The following NMBR variants were observed in gnomAD, a reference collection of about 807,000 sequenced individuals.
The protein encoded by NMBR is neuromedin-B receptor.
Under a neutral mutation model 20.5 loss-of-function variants are expected in NMBR, and 16 were observed. The observed-to-expected ratio is 0.78, with a 90% CI of 0.53 to 1.19. The LOEUF is 1.19. Ranked by LOEUF, NMBR falls within the 50% of genes most tolerant of loss-of-function variation. NMBR has a pLI of 0.00. For synonymous variants in NMBR, 212 were observed against 196.6 expected, an observed-to-expected ratio of 1.08 and a Z score of -0.65; for missense variants, 582 against 499.1, an observed-to-expected ratio of 1.17 and a Z score of -1.58.
intron 1 of NMBR, among the ~76,000 whole-genome samples, chr6:142,129,079 C>T (rs912190669): frequency 6.6e-6 from 1 of 150,958 alleles, no homozygotes; most frequent in Admixed American, 6.6e-5. Context: ...TATTTTGATC[C>T]TATTTTGGGT....
At chr6:142,083,442 G>A (rs1018204585) in intron 2 of NMBR, among the ~76,000 whole-genome samples, 1 of 152,058 alleles carries the variant, frequency 6.6e-6, no homozygotes, top group African/African-American at 2.4e-5. Context: ...TTTTAGTCCT[G>A]TGGTGTGTTG....
intron 1 of NMBR, among the ~76,000 whole-genome samples, chr6:142,096,548 A>G: frequency 6.6e-6 from 1 of 151,858 alleles, no homozygotes; most frequent in African/African-American, 2.4e-5. Context: ...AGTTTGTTAT[A>G]ATTTCTGTTC....
chr6:142,121,892 T>G (rs1308774978), intron 1 of NMBR, among the ~76,000 whole-genome samples: 1 of 151,818 alleles, frequency 6.6e-6, no homozygotes. Context: ...AGAGATTACC[T>G]CAAGGTGGTA....
intron 1 of NMBR, among the ~76,000 whole-genome samples, chr6:142,112,773 T>G (rs1201800262): frequency 2.0e-5 from 3 of 152,206 alleles, no homozygotes; most frequent in Non-Finnish European, 4.4e-5. Context: ...CTTTTTATTT[T>G]CATCAATGCT....
chr6:142,139,279 T>C, intron 1 of NMBR, among the ~76,000 whole-genome samples: 1 of 152,214 alleles, frequency 6.6e-6, no homozygotes, highest in East Asian at 1.9e-4. Flanking sequence ...CTTGGATTTA[T>C]TCTTACTCTG....
At chr6:142,092,589 G>C (rs1777348820) in intron 1 of NMBR, among the ~76,000 whole-genome samples, 1 of 152,138 alleles carries the variant, frequency 6.6e-6, no homozygotes, top group African/African-American at 2.4e-5. Context: ...GTAGTTTTTA[G>C]ACACTGGCAG....
chr6:142,076,372 C>A (rs1776949168), intron 3 of NMBR, among the ~76,000 whole-genome samples: 1 of 151,972 alleles, frequency 6.6e-6, no homozygotes. Flanking sequence ...TAAGTCATTT[C>A]TGTTTGTATT....
chr6:142,084,505 T>C (rs1275353406), intron 2 of NMBR, among the ~76,000 whole-genome samples: 1 of 152,142 alleles, frequency 6.6e-6, no homozygotes, highest in South Asian at 2.1e-4. Flanking sequence ...GTTTTTATAG[T>C]TTTATTTTTT....
At chr6:142,095,581 T>C (rs1777433837) in intron 1 of NMBR, among the ~76,000 whole-genome samples, 1 of 151,974 alleles carries the variant, frequency 6.6e-6, no homozygotes, top group African/African-American at 2.4e-5. Context: ...ATTTTTGCAT[T>C]GATGTTCCTC....
At chr6:142,098,294 C>A (rs1777498130) in intron 1 of NMBR, among the ~76,000 whole-genome samples, 1 of 152,070 alleles carries the variant, frequency 6.6e-6, no homozygotes, top group East Asian at 1.9e-4. Flanking sequence ...TGTACTCTCA[C>A]CATTCCTTTT....
intron 1 of NMBR, among the ~76,000 whole-genome samples, chr6:142,107,549 G>A (rs969814875): frequency 1.5e-4 from 23 of 152,196 alleles, no homozygotes; most frequent in African/African-American, 5.3e-4. Context: ...GTTGAACATT[G>A]TGGGAAAAAA....
At chr6:142,086,081 G>T (rs1777193516) in intron 2 of NMBR, among the ~76,000 whole-genome samples, 1 of 148,274 alleles carries the variant, frequency 6.7e-6, no homozygotes. Context: ...AAGTCTGCTG[G>T]TAAATAAAAA....
rs559108211 is a variant in NMBR at position 142,078,672 on chromosome 6, C to A, written c.654G>T (p.Leu218Phe). 8 of 1,612,782 alleles carry A rather than the reference C, an allele frequency of 5.0e-6. No individual in the cohort carries two copies. The Admixed American group carries it at 1.0e-4, about 20-fold the overall frequency. The change falls in exon 3 of 4, where the codon TTG becomes TTT. Residue 218 changes from leucine (L) to phenylalanine (F), a missense_variant. Coordinates refer to ENST00000258042, the MANE Select transcript of NMBR (RefSeq NM_002511.4). ...TAGCAAGTGGTATGAGGAAATAGAC[C>A]AAGAAAATGAGCACTGAATGAATCT... ...HPKIHSVLIF[L>F]VYFLIPLAII...
At chr6:142,122,523 G>A (rs929811509) in intron 1 of NMBR, among the ~76,000 whole-genome samples, 1 of 151,966 alleles carries the variant, frequency 6.6e-6, no homozygotes, top group African/African-American at 2.4e-5. Flanking sequence ...GATTTTCTAT[G>A]TATATCAAAC....
At chr6:142,085,875 T>C (rs1309526695) in intron 2 of NMBR, among the ~76,000 whole-genome samples, 1 of 152,210 alleles carries the variant, frequency 6.6e-6, no homozygotes, top group African/African-American at 2.4e-5. Context: ...TTAAAGACTC[T>C]AATAACATAA....
At chr6:142,134,607 C>A in intron 1 of NMBR, 1 of 668,290 alleles carries the variant, frequency 1.5e-6, no homozygotes, top group Non-Finnish European at 2.7e-6. Context: ...GTAAAAGCAT[C>A]AATCAAGAAT....
At chr6:142,112,156 T>C (rs956897906) in intron 1 of NMBR, among the ~76,000 whole-genome samples, 9 of 151,952 alleles carry the variant, frequency 5.9e-5, no homozygotes, top group Admixed American at 2.0e-4. Context: ...AAAAAGAAAA[T>C]AGTAATTTTT....
chr6:142,110,615 C>G (rs1471022738), intron 1 of NMBR, among the ~76,000 whole-genome samples: 1 of 152,050 alleles, frequency 6.6e-6, no homozygotes, highest in Non-Finnish European at 1.5e-5. Context: ...TGTGGATTTT[C>G]TTTTGAGGGT....
chr6:142,085,097 A>G (rs34574518), intron 2 of NMBR, among the ~76,000 whole-genome samples: 28,332 of 152,214 alleles, frequency 0.19, 2,825 homozygotes, highest in South Asian at 0.24. Flanking sequence ...CATACCATGC[A>G]CTGTCTCTCC....
Sources: gnomAD v4.1 joint callset for allele counts (sites outside exome capture counted in the v4.1 genomes callset) on GRCh38, gnomAD v4.1.1 for gene constraint, MANE v1.5 for transcripts, NCBI Gene and HGNC (gene_info 2026-07-23, HGNC 2026-07-21) for gene names.